HAUS6: variants seen among roughly 807,000 people sequenced by gnomAD.
HAUS6 encodes the protein HAUS augmin-like complex subunit 6.
A neutral mutation model predicts 106.8 loss-of-function variants in HAUS6; 80 were observed. The ratio of observed to expected loss-of-function variants is 0.75; its 90% CI spans 0.63 to 0.90. HAUS6 has a LOEUF of 0.90. HAUS6 is among the 40% of genes least tolerant of loss of function. The pLI, the probability that HAUS6 is intolerant of heterozygous loss-of-function variation, is 0.00. For synonymous variants in HAUS6, 356 were observed against 379.1 expected (o/e 0.94, Z 0.71); for missense variants, 1,155 against 1,118.1 (o/e 1.03, Z -0.47).
intron 6 of HAUS6, 144 bp downstream of exon 6, chr9:19,086,947 G>C: frequency 1.6e-6 from 1 of 625,792 alleles, no homozygotes. Context: ...TGGATTAGCA[G>C]TCATAACTAT....
In HAUS6 at chr9:19,078,340, AC is replaced by A. The variant is rs753319635; in HGVS notation, c.1065-39del. On this transcript the variant is annotated intron_variant, in intron 9 of 16. Transcript: ENST00000380502. ...AAAAAAACTTTATTCAAAAGATGAT[AC>A]AAAAAAAGCACTGAGTAAAATTTAA... 2.7e-5 allele frequency: 33 copies of A among 1,216,036 alleles called. 1 individual carries two copies. The South Asian group carries it at 4.2e-4, about 16-fold the overall frequency. The allele number at this position is 1,216,036 out of a possible 1,614,324, so 75.3% of individuals were successfully genotyped here. A position where few individuals can be genotyped will look rare whatever the true frequency, so the allele number is the denominator to read the frequency against.
chr9:19,071,717 G>A (rs1836885052), intron 11 of HAUS6, among the ~76,000 whole-genome samples: 3 of 151,728 alleles, frequency 2.0e-5, no homozygotes, highest in African/African-American at 7.3e-5. Context: ...GGGGCCACAG[G>A]TGCATGACAC....
chr9:19,073,832 G>GA (rs1836929467), intron 11 of HAUS6: 1 of 151,984 alleles, frequency 6.6e-6, no homozygotes, highest in Non-Finnish European at 1.5e-5. Flanking sequence ...TTTTTTAAGA[G>GA]ACAGGGTCTC....
chr9:19,066,083 C>T (rs1564009457), intron 12 of HAUS6, among the ~76,000 whole-genome samples: 1 of 151,494 alleles, frequency 6.6e-6, no homozygotes, highest in Non-Finnish European at 1.5e-5. Flanking sequence ...TTACAGGTGC[C>T]GACCACCACA....
In HAUS6 at chr9:19,060,062, A is replaced by C. The variant is rs1268664943; in HGVS notation, c.1765+26T>G. ...AGTGGTTATGTCGATGAAAGAAAAA[A>C]GTAACAGAAAGCATTATTAACTTAC... On this transcript the variant is annotated intron_variant, in intron 15 of 16. Transcript: ENST00000380502. 1.9e-6 allele frequency: 3 copies of C among 1,577,294 alleles called. No individual in the cohort carries two copies. The East Asian group carries it at 6.7e-5, about 35-fold the overall frequency.
chr9:19,099,259 T>C (rs1430478122), intron 1 of HAUS6, among the ~76,000 whole-genome samples: 1 of 150,640 alleles, frequency 6.6e-6, no homozygotes, highest in African/African-American at 2.4e-5. Flanking sequence ...CTCTGCCTCC[T>C]GGGTTCACGC....
chr9:19,060,742 A>G (rs186346758), intron 14 of HAUS6, among the ~76,000 whole-genome samples: 70 of 152,368 alleles, frequency 4.6e-4, no homozygotes, highest in Non-Finnish European at 7.1e-4. Context: ...TAAAACTAAA[A>G]AAGTATCCAA....
intron 3 of HAUS6, among the ~76,000 whole-genome samples, chr9:19,094,086 G>A (rs1353025369): frequency 1.3e-5 from 2 of 152,106 alleles, no homozygotes; most frequent in Non-Finnish European, 2.9e-5. Context: ...TGCTATAAAC[G>A]CTCAGGAACT....
chr9:19,098,432 G>C (rs1004357914), intron 1 of HAUS6, among the ~76,000 whole-genome samples: 1 of 87,006 alleles, frequency 1.1e-5, no homozygotes. Context: ...GCAAGACTTC[G>C]TCTCAAAAAA....
intron 1 of HAUS6, among the ~76,000 whole-genome samples, chr9:19,100,780 A>G (rs941703253): frequency 3.3e-5 from 5 of 152,240 alleles, no homozygotes; most frequent in African/African-American, 4.8e-5. Flanking sequence ...AAATCCTGTC[A>G]TCTGCAGCAA....
At chr9:19,090,260 T>A (rs1354786060) in intron 4 of HAUS6, among the ~76,000 whole-genome samples, 1 of 152,252 alleles carries the variant, frequency 6.6e-6, no homozygotes, top group African/African-American at 2.4e-5. Context: ...AAAAAATTCT[T>A]ATTATAATTT....
chr9:19,076,388 T>C (rs1837004784), intron 11 of HAUS6, among the ~76,000 whole-genome samples: 1 of 151,894 alleles, frequency 6.6e-6, no homozygotes, highest in Non-Finnish European at 1.5e-5. Flanking sequence ...AAGAACTAGA[T>C]AGTGATGATG....
intron 16 of HAUS6, chr9:19,057,584 C>T (rs1836500901): frequency 4.7e-6 from 1 of 214,932 alleles, no homozygotes; most frequent in East Asian, 1.0e-4. Flanking sequence ...TTTATTTCTA[C>T]ACCCCACCCC....
At position 19,054,213 on chromosome 9, in the gene HAUS6, A is replaced by T. The variant is rs1836421521; in HGVS notation, c.*2130T>A. 2 of 152,326 alleles carry T rather than the reference A, an allele frequency of 1.3e-5. No homozygotes were observed. The highest frequency in any genetic ancestry group is 3.4e-3 in the Middle Eastern group (1 of 294). The allele number at this position is 152,326 out of a possible 1,614,324, so 9.4% of individuals were successfully genotyped here. A position where few individuals can be genotyped will look rare whatever the true frequency, so the allele number is the denominator to read the frequency against. ...GCTCACTGAAGCATTTCAGTAAAAA[A>T]ATGGGAGATTACAGCGGAAGGGGGA... is the stretch of plus-strand genomic sequence containing the variant. On this transcript the variant is annotated 3_prime_UTR_variant, in exon 17 of 17. Transcript: ENST00000380502.
intron 11 of HAUS6, among the ~76,000 whole-genome samples, chr9:19,074,835 A>T (rs1158780036): frequency 1.3e-5 from 2 of 152,156 alleles, no homozygotes; most frequent in African/African-American, 4.8e-5. Context: ...CTATTTACAG[A>T]ACCTAATTGT....
In HAUS6 at chr9:19,055,553, T is replaced by C. The variant is rs2131091079; in HGVS notation, c.*790A>G. Reference sequence around the variant, plus strand: ...AAACAGACTAATGAAAATTTTAATTTATATTTTTGTTAAAATATAAAAGTA... The same window carrying C: ...AAACAGACTAATGAAAATTTTAATTCATATTTTTGTTAAAATATAAAAGTA... On this transcript the variant is annotated 3_prime_UTR_variant, in exon 17 of 17. Transcript: ENST00000380502. The C allele has an allele frequency of 6.6e-6, 1 of 152,358 alleles. No individual in the cohort carries two copies. The highest frequency in any genetic ancestry group is 1.5e-5 in the Non-Finnish European group (1 of 68,036). The allele number at this position is 152,358 out of a possible 1,614,324, so 9.4% of individuals were successfully genotyped here.
In HAUS6 at chr9:19,093,264, G is replaced by C. The variant is rs375776734; in HGVS notation, c.343C>G (p.Leu115Val). ...TTAGGACCACCAGGAGAAAGAAATA[G>C]TGAACCAACAACTTGAGGAAAGCTA... ...GSSFPQVVGS[L>V]FLSPGGPKFI... Residue 115 changes from leucine (L) to valine (V), a missense_variant, in exon 4 of 17, where the codon CTA becomes GTA. Transcript: ENST00000380502. 5 of 1,609,616 alleles carry C rather than the reference G, an allele frequency of 3.1e-6. No homozygotes were observed. Among genetic ancestry groups the C allele is most frequent in the African/African-American group, 1.3e-5 (1 of 74,652 alleles).
chr9:19,098,679 G>A (rs1287050097), intron 1 of HAUS6, among the ~76,000 whole-genome samples: 1 of 151,748 alleles, frequency 6.6e-6, no homozygotes, highest in Non-Finnish European at 1.5e-5. Flanking sequence ...CAAACCTTTT[G>A]GGCAAATACC....
intron 1 of HAUS6, among the ~76,000 whole-genome samples, chr9:19,098,210 G>A (rs1817903783): frequency 1.3e-5 from 2 of 152,184 alleles, no homozygotes; most frequent in African/African-American, 4.8e-5. Flanking sequence ...GGAGGCCAAG[G>A]CAGGCAGATC....
Sources: gnomAD v4.1 joint callset for allele counts (sites outside exome capture counted in the v4.1 genomes callset) on GRCh38, gnomAD v4.1.1 for gene constraint, MANE v1.5 for transcripts, NCBI Gene and HGNC (gene_info 2026-07-23, HGNC 2026-07-21) for gene names.